Variants in KCNB2 observed in about 807,000 individuals in gnomAD.
KCNB2 encodes delayed rectifier potassium channel protein.
A neutral mutation model predicts 61.5 loss-of-function variants in KCNB2; 15 were observed. The observed-to-expected ratio is 0.24, with a 90% CI of 0.16 to 0.38. The LOEUF is 0.38. KCNB2 is among the 10% of genes least tolerant of loss of function. KCNB2 has a pLI of 1.00. For synonymous variants in KCNB2, 457 were observed against 446.0 expected, an observed-to-expected ratio of 1.02 and a Z score of -0.31; for missense variants, 828 against 1,125.2, an observed-to-expected ratio of 0.74 and a Z score of 3.78.
chr8:72,712,184 G>A (rs1807336648), intron 2 of KCNB2, among the ~76,000 whole-genome samples: 1 of 152,196 alleles, frequency 6.6e-6, no homozygotes, highest in African/African-American at 2.4e-5. Flanking sequence ...AGCAAGCTCA[G>A]TGTAGAAAGA....
intron 1 of KCNB2, among the ~76,000 whole-genome samples, chr8:72,538,420 G>A (rs1806146414): frequency 6.6e-6 from 1 of 152,222 alleles, no homozygotes; most frequent in African/African-American, 2.4e-5. Flanking sequence ...GCCCTGAATA[G>A]CACCAAAAGA....
Position 72,810,437 on chromosome 8 carries a change from G to T in KCNB2, c.580-125498G>T, listed in dbSNP as rs139345186. Among the ~76,000 whole-genome samples, 776 of 152,324 alleles carry T rather than the reference G, an allele frequency of 5.1e-3. 5 individuals carry two copies. Among genetic ancestry groups the T allele is most frequent in the African/African-American group, 0.017 (716 of 41,576 alleles). ...CAGGCTCTGCTGTGGTGGAGGCTTTGTCTCTGTCCTTCTTTGTCCAAGTGT... is the reference window on the plus strand; with the variant it reads ...CAGGCTCTGCTGTGGTGGAGGCTTTTTCTCTGTCCTTCTTTGTCCAAGTGT... On this transcript the variant is annotated intron_variant, in intron 2 of 2. Coordinates refer to ENST00000523207, the MANE Select transcript of KCNB2 (RefSeq NM_004770.3).
At chr8:72,722,846 T>G (rs992178126) in intron 2 of KCNB2, among the ~76,000 whole-genome samples, 2 of 152,216 alleles carry the variant, frequency 1.3e-5, no homozygotes, top group Non-Finnish European at 2.9e-5. Flanking sequence ...CAAAAGTATT[T>G]AGTGCCTGCT....
rs148582546 is a variant in KCNB2, at chr8:72,633,533, C to T, written c.579+65220C>T. ...CTTTCAGGGGCCATTCTGCCTGGCA[C>T]GCCTTCTCTGGGTTCTGTGTTCCTA... On this transcript the variant is annotated intron_variant, in intron 2 of 2. Transcript: ENST00000523207. Among the ~76,000 whole-genome samples the T allele has an allele frequency of 1.6e-3, 245 of 152,266 alleles. 3 individuals carry two copies. The highest frequency in any genetic ancestry group is 5.4e-3 in the African/African-American group (226 of 41,562).
chr8:72,924,283 A>G (rs1806591968), intron 2 of KCNB2, among the ~76,000 whole-genome samples: 1 of 152,166 alleles, frequency 6.6e-6, no homozygotes, highest in African/African-American at 2.4e-5. Flanking sequence ...GAAAAGCCCC[A>G]TAGCCCATGA....
chr8:72,617,563 A>G (rs1177299931), intron 2 of KCNB2, among the ~76,000 whole-genome samples: 16 of 148,010 alleles, frequency 1.1e-4, no homozygotes. Context: ...AAACCAGTGC[A>G]TTTTTGTCAG....
chr8:72,704,419 G>T (rs1313051101), intron 2 of KCNB2, among the ~76,000 whole-genome samples: 6 of 151,956 alleles, frequency 3.9e-5, no homozygotes, highest in Admixed American at 3.9e-4. Flanking sequence ...CTAAAATTTT[G>T]CCAGGGGTCT....
intron 2 of KCNB2, among the ~76,000 whole-genome samples, chr8:72,598,144 C>CA (rs1302375152): frequency 1.5e-5 from 2 of 135,408 alleles, no homozygotes; most frequent in East Asian, 4.4e-4. Flanking sequence ...AGAGACACAA[C>CA]AAAAAAAGAG....
At chr8:72,714,240 G>A (rs1375486410) in intron 2 of KCNB2, among the ~76,000 whole-genome samples, 1 of 152,172 alleles carries the variant, frequency 6.6e-6, no homozygotes, top group African/African-American at 2.4e-5. Flanking sequence ...CACTCTGCAG[G>A]ATATTATCCA....
rs17189086 is a variant in KCNB2 at position 72,864,810 on chromosome 8, G to A, written c.580-71125G>A. On this transcript the variant is annotated intron_variant, in intron 2 of 2. Transcript: ENST00000523207. Reference sequence around the variant, plus strand: ...ATGTTTCTTCAAGAGCATTTGTGAAGGAATAGGAATTGCTGCCGGCCAGGC... The same window carrying A: ...ATGTTTCTTCAAGAGCATTTGTGAAAGAATAGGAATTGCTGCCGGCCAGGC... Among the ~76,000 whole-genome samples, 977 of 152,318 alleles carry A rather than the reference G, an allele frequency of 6.4e-3. 11 individuals carry two copies. Among genetic ancestry groups the A allele is most frequent in the South Asian group, 0.023 (111 of 4,824 alleles).
At chr8:72,647,287 A>C (rs1335105963) in intron 2 of KCNB2, among the ~76,000 whole-genome samples, 1 of 152,000 alleles carries the variant, frequency 6.6e-6, no homozygotes, top group Non-Finnish European at 1.5e-5. Flanking sequence ...GAATAGCCAC[A>C]TTTTCATATC....
At chr8:72,799,054 T>C (rs1391169610) in intron 2 of KCNB2, among the ~76,000 whole-genome samples, 1 of 152,128 alleles carries the variant, frequency 6.6e-6, no homozygotes, top group Non-Finnish European at 1.5e-5. Flanking sequence ...CTCTCTTAGT[T>C]ATAGGCTTTA....
intron 2 of KCNB2, among the ~76,000 whole-genome samples, chr8:72,609,313 T>C (rs1805501503): frequency 6.6e-6 from 1 of 152,240 alleles, no homozygotes; most frequent in South Asian, 2.1e-4. Context: ...CTTTCAAAAC[T>C]GACTTAAGAG....
intron 2 of KCNB2, among the ~76,000 whole-genome samples, chr8:72,929,943 TC>T (rs143167554): frequency 0.06 from 5,456 of 90,426 alleles, 424 homozygotes; most frequent in African/African-American, 0.2. Flanking sequence ...ATGGTATCCC[TC>T]CCCCCTCCCC....
At chr8:72,896,468 G>T (rs957843151) in intron 2 of KCNB2, among the ~76,000 whole-genome samples, 5 of 152,098 alleles carry the variant, frequency 3.3e-5, no homozygotes, top group African/African-American at 9.7e-5. Context: ...ATAGCAGAAA[G>T]GTTGAGCAAA....
chr8:72,803,162 G>A (rs1008535417), intron 2 of KCNB2, among the ~76,000 whole-genome samples: 2 of 152,138 alleles, frequency 1.3e-5, no homozygotes, highest in Non-Finnish European at 2.9e-5. Context: ...AGGAGCAAGG[G>A]CAGCACAGAT....
intron 2 of KCNB2, among the ~76,000 whole-genome samples, chr8:72,635,580 G>A (rs1456407759): frequency 6.6e-6 from 1 of 152,096 alleles, no homozygotes; most frequent in Non-Finnish European, 1.5e-5. Flanking sequence ...AATGTTCCTA[G>A]GCTTCAGTTT....
chr8:72,920,453 C>CTATATATATATATATATATATA, intron 2 of KCNB2, among the ~76,000 whole-genome samples: 2 of 43,114 alleles, frequency 4.6e-5, no homozygotes, highest in Non-Finnish European at 1.1e-4. Flanking sequence ...ATCTATCTAT[C>CTATATATATATATATATATATA]TATCTATCTA....
chr8:72,711,492 T>C (rs1315594891), intron 2 of KCNB2, among the ~76,000 whole-genome samples: 1 of 152,146 alleles, frequency 6.6e-6, no homozygotes, highest in Admixed American at 6.5e-5. Flanking sequence ...CAATAAAGGA[T>C]ACACAAGAGC....
Sources: allele counts gnomAD v4.1 joint callset (sites outside exome capture counted in the v4.1 genomes callset), GRCh38; gene constraint gnomAD v4.1.1; transcripts MANE v1.5; gene names NCBI Gene and HGNC (gene_info 2026-07-23, HGNC 2026-07-21).